VWA3B: variants seen among roughly 807,000 people sequenced by gnomAD.
VWA3B encodes the protein von Willebrand factor A domain containing 3B.
In VWA3B, 138 loss-of-function variants were observed where a neutral mutation model predicts 158.3. The ratio of observed to expected loss-of-function variants is 0.87; its 90% confidence interval spans 0.76 to 1.00. VWA3B has a LOEUF of 1.00. VWA3B is among the 50% of genes least tolerant of loss of function. The pLI, the probability that VWA3B is intolerant of heterozygous loss-of-function variation, is 0.00. For missense variants in VWA3B, 1,555 were observed against 1,565.1 expected (o/e 0.99, Z 0.11); for synonymous variants, 596 against 587.3 (o/e 1.01, Z -0.21).
At chr2:98,152,230 T>C (rs1270159827) in intron 7 of VWA3B, among the ~76,000 whole-genome samples, 1 of 152,242 alleles carries the variant, frequency 6.6e-6, no homozygotes, top group East Asian at 1.9e-4. Flanking sequence ...GAATTTCACC[T>C]ACTTCTCTGT....
At chr2:98,230,366 A>G (rs1165625920) in intron 16 of VWA3B, among the ~76,000 whole-genome samples, 159 bp downstream of exon 16, 4 of 152,198 alleles carry the variant, frequency 2.6e-5, no homozygotes, top group Non-Finnish European at 5.9e-5. Context: ...ACATGATCTT[A>G]TATATACCTA....
intron 23 of VWA3B, among the ~76,000 whole-genome samples, chr2:98,297,326 C>G (rs945302961): frequency 6.6e-6 from 1 of 152,174 alleles, no homozygotes; most frequent in Admixed American, 6.5e-5. Flanking sequence ...AGGTGATCCA[C>G]CTGCCTCAGC....
At chr2:98,149,410 T>C (rs1677434193) in intron 7 of VWA3B, among the ~76,000 whole-genome samples, 1 of 152,196 alleles carries the variant, frequency 6.6e-6, no homozygotes, top group African/African-American at 2.4e-5. Context: ...CAGAGCCCAG[T>C]TACAGAATTT....
intron 7 of VWA3B, among the ~76,000 whole-genome samples, chr2:98,143,955 G>A (rs1402947915): frequency 1.3e-5 from 2 of 151,818 alleles, no homozygotes; most frequent in East Asian, 1.9e-4. Flanking sequence ...GGGTCACTAT[G>A]TTGTCCAGGC....
Position 98,236,486 on chromosome 2 carries a change from T to G in VWA3B, c.2516+9T>G, listed in dbSNP as rs1372928208. ...CAGGTTTATGACCACGAGTGAGTTC[T>G]TTAATTTGACAAAGACAGTTCTGTT... On this transcript the variant is annotated intron_variant, in intron 18 of 27. Coordinates refer to ENST00000477737, the MANE Select transcript of VWA3B (RefSeq NM_144992.5). 1.9e-6 allele frequency: 3 copies of G among 1,614,128 alleles called. No homozygotes were observed. In the African/African-American group the frequency reaches 4.0e-5, roughly 22 times the overall value.
chr2:98,148,243 A>G (rs1187971431), intron 7 of VWA3B, among the ~76,000 whole-genome samples: 1 of 152,268 alleles, frequency 6.6e-6, no homozygotes, highest in Non-Finnish European at 1.5e-5. Flanking sequence ...CCCATTTCAC[A>G]GAACCTGAAT....
chr2:98,293,096 T>C (rs1286909284), intron 23 of VWA3B, among the ~76,000 whole-genome samples: 2 of 152,148 alleles, frequency 1.3e-5, no homozygotes, highest in Non-Finnish European at 2.9e-5. Flanking sequence ...CCCAGCACCA[T>C]GCTTGTGTGA....
intron 1 of VWA3B, among the ~76,000 whole-genome samples, chr2:98,087,625 C>A (rs1345911278): frequency 3.9e-5 from 6 of 152,178 alleles, no homozygotes; most frequent in Non-Finnish European, 8.8e-5. Flanking sequence ...GAGCCCACGC[C>A]CAGCCGCTCT....
At chr2:98,265,085 C>A (rs1439296255) in intron 21 of VWA3B, among the ~76,000 whole-genome samples, 1 of 151,166 alleles carries the variant, frequency 6.6e-6, no homozygotes, top group African/African-American at 2.4e-5. Flanking sequence ...GGTACACGTG[C>A]ACATTGTACA....
At position 98,298,378 on chromosome 2, in the gene VWA3B, T is replaced by G. The variant is rs190326975; in HGVS notation, c.3282+347T>G. On this transcript the variant is annotated intron_variant, in intron 24 of 27. Coordinates refer to ENST00000477737, the MANE Select transcript of VWA3B (RefSeq NM_144992.5). ...GGACACTTTTAACTACAAAAGATTC[T>G]ATTCTATTCTATTCTATTCTATTCT... is the stretch of plus-strand genomic sequence containing the variant. 6.2e-3 allele frequency among the ~76,000 whole-genome samples: 337 copies of G among 54,688 alleles called. 4 individuals carry two copies. Among genetic ancestry groups the G allele is most frequent in the African/African-American group, 0.018 (322 of 17,568 alleles). The allele number at this position is 54,688 out of a possible 152,430, so 35.9% of individuals were successfully genotyped here. A position where few individuals can be genotyped will look rare whatever the true frequency, so the allele number is the denominator to read the frequency against.
intron 8 of VWA3B, among the ~76,000 whole-genome samples, chr2:98,165,655 G>C (rs1679007279): frequency 6.6e-6 from 1 of 152,090 alleles, no homozygotes; most frequent in Non-Finnish European, 1.5e-5. Context: ...CCTGCTGTGT[G>C]ACTTGATAAA....
At chr2:98,231,402 C>T (rs193077502) in intron 16 of VWA3B, among the ~76,000 whole-genome samples, 4 of 152,258 alleles carry the variant, frequency 2.6e-5, no homozygotes, top group Admixed American at 6.5e-5. Flanking sequence ...TTAATCAAGA[C>T]GGTGTGGTAT....
chr2:98,104,550 T>C (rs537275821), intron 2 of VWA3B, among the ~76,000 whole-genome samples: 1 of 152,306 alleles, frequency 6.6e-6, no homozygotes, highest in South Asian at 2.1e-4. Context: ...ACACTTCCCA[T>C]TAGGCTTCAC....
intron 3 of VWA3B, among the ~76,000 whole-genome samples, chr2:98,117,043 G>T (rs1674588271): frequency 6.6e-6 from 1 of 152,102 alleles, no homozygotes; most frequent in African/African-American, 2.4e-5. Context: ...CTTGGATTGG[G>T]TTTCCACCTT....
Position 98,250,953 on chromosome 2 carries a change from G to A in VWA3B, c.2792+517G>A, listed in dbSNP as rs1039780350. Among the ~76,000 whole-genome samples, 6 of 152,092 alleles carry A rather than the reference G, an allele frequency of 3.9e-5. No individual in the cohort carries two copies. In the East Asian group the frequency reaches 1.2e-3, roughly 29 times the overall value. ...GATGAAAAATAAATAAATAAATACA[G>A]GCTGGGTGTGGTGGTGCGTGCCTGT... On this transcript the variant is annotated intron_variant, in intron 20 of 27. Coordinates refer to ENST00000477737, the MANE Select transcript of VWA3B (RefSeq NM_144992.5).
intron 22 of VWA3B, among the ~76,000 whole-genome samples, chr2:98,285,262 A>G (rs1004302043): frequency 4.6e-5 from 7 of 152,212 alleles, no homozygotes; most frequent in Middle Eastern, 3.4e-3. Context: ...TGCCTTTTCT[A>G]TGCATTTTAT....
chr2:98,163,840 C>T (rs536654747), intron 8 of VWA3B, among the ~76,000 whole-genome samples: 6 of 152,236 alleles, frequency 3.9e-5, no homozygotes, highest in African/African-American at 7.2e-5. Flanking sequence ...GATAGCAAAG[C>T]GATCAGATAC....
intron 13 of VWA3B, among the ~76,000 whole-genome samples, chr2:98,213,930 C>G (rs2105567337): frequency 6.6e-6 from 1 of 152,226 alleles, no homozygotes; most frequent in South Asian, 2.1e-4. Flanking sequence ...GAGGCCCACT[C>G]CTGTAATCTC....
At chr2:98,316,537 G>A (rs1217888616), downstream of VWA3B, among the ~76,000 whole-genome samples, 2 of 151,830 alleles carry the variant, frequency 1.3e-5, no homozygotes, top group Admixed American at 1.3e-4. Context: ...TCAGCTACTT[G>A]GGGTGGGGCT....
Sources: allele counts gnomAD v4.1 joint callset (sites outside exome capture counted in the v4.1 genomes callset), GRCh38; gene constraint gnomAD v4.1.1; transcripts MANE v1.5; gene names NCBI Gene and HGNC (gene_info 2026-07-23, HGNC 2026-07-21).